PLGRKT: variants seen among roughly 807,000 people sequenced by gnomAD.
The protein encoded by PLGRKT is plasminogen receptor with a C-terminal lysine.
A neutral mutation model predicts 18.5 loss-of-function variants in PLGRKT; 22 were observed. The observed-to-expected ratio is 1.19, with a 90% CI of 0.85 to 1.70. PLGRKT has a LOEUF of 1.70. PLGRKT is among the 40% of genes most tolerant of loss of function. The pLI is 0.00. For synonymous variants in PLGRKT, 72 were observed against 52.8 expected (o/e 1.36, Z -1.58); for missense variants, 235 against 174.4 (o/e 1.35, Z -1.96).
In PLGRKT at chr9:5,418,281, C is replaced by T. The variant is rs1387013632; in HGVS notation, c.81+13616G>A. On this transcript the variant is annotated intron_variant, in intron 3 of 5. Coordinates refer to ENST00000223864, the MANE Select transcript of PLGRKT (RefSeq NM_018465.4). The surrounding 1 kb of genome is among the most constrained non-coding windows in gnomAD (Gnocchi z 4.2). Reference sequence around the variant, plus strand: ...GCTCTCAGCACCAAATGGTCAGTGTCGCCCCCTCATCTTCTCACTGGGATC... The same window carrying T: ...GCTCTCAGCACCAAATGGTCAGTGTTGCCCCCTCATCTTCTCACTGGGATC... 11 of 482,724 alleles carry T rather than the reference C, an allele frequency of 2.3e-5. No individual in the cohort carries two copies. The highest frequency in any genetic ancestry group is 5.9e-5 in the African/African-American group (3 of 50,634). The allele number at this position is 482,724 out of a possible 1,614,324, so 29.9% of individuals were successfully genotyped here. A position where few individuals can be genotyped will look rare whatever the true frequency, so the allele number is the denominator to read the frequency against.
chr9:5,416,724 T>G (rs1483514399), intron 3 of PLGRKT, among the ~76,000 whole-genome samples: 2 of 152,218 alleles, frequency 1.3e-5, no homozygotes, highest in East Asian at 3.9e-4. Context: ...AAAAACTGTG[T>G]GTCTGCCCTG....
intron 3 of PLGRKT, among the ~76,000 whole-genome samples, chr9:5,372,871 A>G (rs1817549229): frequency 6.6e-6 from 1 of 152,156 alleles, no homozygotes; most frequent in Non-Finnish European, 1.5e-5. Flanking sequence ...CCTGCCACTG[A>G]AGGTATTATC....
chr9:5,377,621 T>C (rs10975085), intron 3 of PLGRKT, among the ~76,000 whole-genome samples: 43,183 of 151,740 alleles, frequency 0.28, 6,207 homozygotes, highest in Non-Finnish European at 0.3. Context: ...CCTGTAGGAG[T>C]TTCTGTAGAA....
intron 3 of PLGRKT, among the ~76,000 whole-genome samples, chr9:5,401,526 A>C (rs1435276682): frequency 3.3e-5 from 5 of 151,948 alleles, no homozygotes; most frequent in African/African-American, 4.9e-5. Flanking sequence ...AAATGACTAC[A>C]ATATACCAAA....
intron 3 of PLGRKT, among the ~76,000 whole-genome samples, chr9:5,409,692 C>A (rs991509723): frequency 2.0e-5 from 3 of 152,186 alleles, no homozygotes; most frequent in Admixed American, 6.5e-5. Flanking sequence ...GGAGCCCATC[C>A]CTCACACCAG....
At chr9:5,405,889 A>G (rs1818245972) in intron 3 of PLGRKT, among the ~76,000 whole-genome samples, 1 of 152,222 alleles carries the variant, frequency 6.6e-6, no homozygotes, top group African/African-American at 2.4e-5. Context: ...CAGAATCTAC[A>G]AGGAACTTAA....
chr9:5,362,839 C>T (rs1266391698), intron 3 of PLGRKT, among the ~76,000 whole-genome samples: 5 of 152,052 alleles, frequency 3.3e-5, no homozygotes, highest in Non-Finnish European at 5.9e-5. Context: ...GAAGATATGA[C>T]GGAAGCCTCA....
In PLGRKT at chr9:5,418,720, T is replaced by C. The variant is rs1818513586; in HGVS notation, c.81+13177A>G. 1 of 665,082 alleles carries C rather than the reference T, an allele frequency of 1.5e-6. No homozygotes were observed. The highest frequency in any genetic ancestry group is 2.8e-6 in the Non-Finnish European group (1 of 359,398). 41.2% of individuals were successfully genotyped at this position (665,082 alleles called of 1,614,324 possible). A position where few individuals can be genotyped will look rare whatever the true frequency, so the allele number is the denominator to read the frequency against. The stretch of plus-strand genomic sequence containing the variant: ...GGGAAGTCTGATGAAGACCGGCATG[T>C]GCTCCGAAGCGTGTGGAATGGTGAT... On this transcript the variant is annotated intron_variant, in intron 3 of 5. Transcript: ENST00000223864. The surrounding 1 kb of genome is among the most constrained non-coding windows in gnomAD (Gnocchi z 4.2).
chr9:5,424,342 TATC>T (rs1257621692), intron 3 of PLGRKT, among the ~76,000 whole-genome samples: 4 of 134,520 alleles, frequency 3.0e-5, no homozygotes, highest in Non-Finnish European at 6.1e-5. Flanking sequence ...TATAATATAT[TATC>T]ATTAATAACA....
chr9:5,415,885 T>A (rs1243864793), intron 3 of PLGRKT, among the ~76,000 whole-genome samples: 1 of 151,480 alleles, frequency 6.6e-6, no homozygotes, highest in Non-Finnish European at 1.5e-5. Flanking sequence ...CAATTAAATG[T>A]GATGGGAGAT....
At chr9:5,405,416 T>A (rs970821711) in intron 3 of PLGRKT, among the ~76,000 whole-genome samples, 3 of 152,038 alleles carry the variant, frequency 2.0e-5, no homozygotes, top group Non-Finnish European at 2.9e-5. Flanking sequence ...AATAGACACA[T>A]AAACCAATGG....
chr9:5,398,027 A>G lies in PLGRKT; in HGVS notation c.81+33870T>C, dbSNP rs1434862816. On this transcript the variant is annotated intron_variant, in intron 3 of 5. Coordinates refer to ENST00000223864, the MANE Select transcript of PLGRKT (RefSeq NM_018465.4). Reference sequence around the variant, plus strand: ...TTGGTGCCCACATCCGAATGGATGCATAGAGCAAAGCCTGAACCACACTGA... The same window carrying G: ...TTGGTGCCCACATCCGAATGGATGCGTAGAGCAAAGCCTGAACCACACTGA... 9.9e-5 allele frequency among the ~76,000 whole-genome samples: 15 copies of G among 151,950 alleles called. 1 individual carries two copies. Among genetic ancestry groups the G allele is most frequent in the Admixed American group, 3.9e-4 (6 of 15,272 alleles).
At chr9:5,381,215 T>C (rs1419825599) in intron 3 of PLGRKT, among the ~76,000 whole-genome samples, 1 of 152,162 alleles carries the variant, frequency 6.6e-6, no homozygotes, top group East Asian at 1.9e-4. Context: ...ATGGGGAAAA[T>C]GTCTCCAGGG....
At chr9:5,430,422 A>G (rs988796985) in intron 3 of PLGRKT, among the ~76,000 whole-genome samples, 1 of 152,186 alleles carries the variant, frequency 6.6e-6, no homozygotes, top group African/African-American at 2.4e-5. Flanking sequence ...CCATTCTTTC[A>G]ATTGTTTCAT....
chr9:5,387,568 C>T (rs1047982749), intron 3 of PLGRKT, among the ~76,000 whole-genome samples: 3 of 151,596 alleles, frequency 2.0e-5, no homozygotes, highest in Non-Finnish European at 4.4e-5. Flanking sequence ...CATATAGTCC[C>T]ATATATAAGG....
chr9:5,358,690 C>G (rs1201646327), intron 5 of PLGRKT, among the ~76,000 whole-genome samples: 2 of 152,180 alleles, frequency 1.3e-5, no homozygotes, highest in East Asian at 3.8e-4. Context: ...AGAAACCACA[C>G]ATAGTCTTTC....
At chr9:5,370,761 A>T (rs1424242689) in intron 3 of PLGRKT, among the ~76,000 whole-genome samples, 1 of 152,220 alleles carries the variant, frequency 6.6e-6, no homozygotes, top group African/African-American at 2.4e-5. Flanking sequence ...AAGAAAATCG[A>T]TGTTTCAGGT....
intron 2 of PLGRKT, among the ~76,000 whole-genome samples, chr9:5,433,083 G>A (rs577921183): frequency 3.3e-5 from 5 of 150,512 alleles, no homozygotes; most frequent in South Asian, 2.1e-4. Flanking sequence ...CGTCTGGGAG[G>A]AAGTGAGGAG....
At chr9:5,370,499 G>C (rs1817493094) in intron 3 of PLGRKT, among the ~76,000 whole-genome samples, 1 of 152,160 alleles carries the variant, frequency 6.6e-6, no homozygotes, top group Admixed American at 6.5e-5. Flanking sequence ...CCAACTCTGA[G>C]AAACAAATCA....
Sources: gnomAD v4.1 joint callset for allele counts (sites outside exome capture counted in the v4.1 genomes callset) on GRCh38, gnomAD v4.1.1 for gene constraint, Gnocchi (gnomAD v3.1) non-coding constraint, MANE v1.5 for transcripts, NCBI Gene and HGNC (gene_info 2026-07-23, HGNC 2026-07-21) for gene names.